Variants in DAPP1 observed in about 807,000 individuals in gnomAD.
DAPP1 encodes the protein dual adapter for phosphotyrosine and 3-phosphotyrosine and 3-phosphoinositide.
DAPP1 carries 20 observed loss-of-function variants against 41.5 expected under a neutral mutation model. That is an observed-to-expected ratio of 0.48 (90% CI 0.34 to 0.70). The LOEUF (loss-of-function observed/expected upper bound fraction) is 0.70. DAPP1 is among the 30% of genes least tolerant of loss of function. The pLI is 0.01. For missense variants in DAPP1, 233 were observed against 333.4 expected, an observed-to-expected ratio of 0.70 and a Z score of 2.35; for synonymous variants, 113 against 116.2, an observed-to-expected ratio of 0.97 and a Z score of 0.18.
rs1457570870 is a variant in DAPP1 at position 99,868,586 on chromosome 4, A to G, written c.*401A>G. On this transcript the variant is annotated 3_prime_UTR_variant, in exon 9 of 9. Transcript: ENST00000512369. ...GACATCCAGGTTGTGCTATTAACCA[A>G]GAAGGAAACAGATACTTGGAGGCTT... 1.3e-5 allele frequency: 2 copies of G among 159,598 alleles called. No individual in the cohort carries two copies. The highest frequency in any genetic ancestry group is 1.4e-5 in the Non-Finnish European group (1 of 72,888). The allele number at this position is 159,598 out of a possible 1,614,324, so 9.9% of individuals were successfully genotyped here.
chr4:99,853,085 C>G (rs896769842), intron 3 of DAPP1, 133 bp from the exon 4 acceptor site: 4 of 982,364 alleles, frequency 4.1e-6, no homozygotes, highest in Non-Finnish European at 5.9e-6. Flanking sequence ...TATTTGATAA[C>G]TGTTGAGATA....
chr4:99,834,180 T>C (rs1307803665), intron 1 of DAPP1, among the ~76,000 whole-genome samples: 1 of 152,180 alleles, frequency 6.6e-6, no homozygotes, highest in Non-Finnish European at 1.5e-5. Context: ...CAGAGCAATA[T>C]GCCTAGAAAA....
At chr4:99,841,249 G>A (rs1723485748) in intron 3 of DAPP1, among the ~76,000 whole-genome samples, 1 of 152,110 alleles carries the variant, frequency 6.6e-6, no homozygotes, top group South Asian at 2.1e-4. Flanking sequence ...CTTGCCAGTG[G>A]GCTTTCTGTT....
chr4:99,817,830 C>A (rs1722641803), intron 1 of DAPP1, among the ~76,000 whole-genome samples: 1 of 152,192 alleles, frequency 6.6e-6, no homozygotes, highest in Non-Finnish European at 1.5e-5. Context: ...AAAACCTTTA[C>A]CTTCTGCCTG....
intron 1 of DAPP1, among the ~76,000 whole-genome samples, chr4:99,827,458 G>A (rs1020406446): frequency 7.9e-5 from 12 of 151,688 alleles, no homozygotes; most frequent in Admixed American, 6.6e-4. Context: ...GCGTGAACCC[G>A]GGAGGCAGAG....
intron 1 of DAPP1, among the ~76,000 whole-genome samples, chr4:99,827,532 C>CAAA (rs1400029314): frequency 8.4e-5 from 10 of 118,992 alleles, no homozygotes; most frequent in South Asian, 2.6e-4. Context: ...GACTACGTCT[C>CAAA]AAAAAAAAAA....
intron 1 of DAPP1, among the ~76,000 whole-genome samples, chr4:99,826,870 C>T (rs747189586): frequency 1.1e-4 from 17 of 152,336 alleles, no homozygotes; most frequent in South Asian, 6.2e-4. Flanking sequence ...GCTCCCCTTC[C>T]TATGCTATAA....
intron 4 of DAPP1, among the ~76,000 whole-genome samples, chr4:99,854,539 G>A (rs1723978490): frequency 6.6e-6 from 1 of 152,138 alleles, no homozygotes; most frequent in African/African-American, 2.4e-5. Flanking sequence ...CATGACCTCT[G>A]CTTTACATCC....
intron 4 of DAPP1, among the ~76,000 whole-genome samples, chr4:99,856,161 A>G (rs1724037649): frequency 6.6e-6 from 1 of 152,138 alleles, no homozygotes; most frequent in African/African-American, 2.4e-5. Flanking sequence ...TTTGGCAGTA[A>G]TTTTGACAAA....
intron 3 of DAPP1, among the ~76,000 whole-genome samples, chr4:99,842,404 T>C (rs1455225245): frequency 6.6e-6 from 1 of 152,292 alleles, no homozygotes; most frequent in Non-Finnish European, 1.5e-5. Context: ...AATTTGCTGC[T>C]GTTTGAATTC....
intron 4 of DAPP1, among the ~76,000 whole-genome samples, chr4:99,857,983 C>T (rs1209233897): frequency 2.0e-5 from 3 of 152,064 alleles, no homozygotes; most frequent in African/African-American, 7.2e-5. Context: ...TTGGTTTTCC[C>T]CAAGTCGTTT....
At chr4:99,838,812 T>G (rs1306561696) in intron 2 of DAPP1, among the ~76,000 whole-genome samples, 1 of 152,172 alleles carries the variant, frequency 6.6e-6, no homozygotes, top group Non-Finnish European at 1.5e-5. Flanking sequence ...AAAGACCACA[T>G]ACAAGTAACA....
intron 3 of DAPP1, among the ~76,000 whole-genome samples, chr4:99,847,307 T>A (rs1291711360): frequency 6.6e-6 from 1 of 152,216 alleles, no homozygotes; most frequent in East Asian, 1.9e-4. Context: ...TGCCTAAGAA[T>A]TGAGACTGTT....
rs1390417190 is a variant in DAPP1 at position 99,840,310 on chromosome 4, C to T, written c.246C>T (p.His82=). 1.0e-5 allele frequency: 16 copies of T among 1,581,278 alleles called. No individual in the cohort carries two copies. The highest frequency in any genetic ancestry group is 1.2e-5 in the Non-Finnish European group (14 of 1,160,850). The change falls in exon 3 of 9, where the codon CAC becomes CAT. Residue 82 remains histidine, a synonymous_variant. Coordinates refer to ENST00000512369, the MANE Select transcript of DAPP1 (RefSeq NM_014395.3). ...TTAGGGCCAAAGATTCTGTTAAACA[C>T]TTTCATGTTGAATATACTGGATATT... is the stretch of plus-strand genomic sequence containing the variant. The part of the protein sequence containing the change: ...LSVRAKDSVK[H]FHVEYTGYSF...
intron 8 of DAPP1, among the ~76,000 whole-genome samples, 182 bp downstream of exon 8, chr4:99,866,303 G>A (rs1724455811): frequency 6.6e-6 from 1 of 151,984 alleles, no homozygotes; most frequent in Non-Finnish European, 1.5e-5. Flanking sequence ...ATGGAGACAG[G>A]ATTGTAAAAA....
chr4:99,836,771 A>C lies in DAPP1; in HGVS notation c.224+1026A>C, dbSNP rs1723316719. 2.0e-5 allele frequency among the ~76,000 whole-genome samples: 3 copies of C among 152,146 alleles called. No individual in the cohort carries two copies. In the South Asian group the frequency reaches 6.2e-4, roughly 32 times the overall value. On this transcript the variant is annotated intron_variant, in intron 2 of 8. Coordinates refer to ENST00000512369, the MANE Select transcript of DAPP1 (RefSeq NM_014395.3). Reference sequence around the variant, plus strand: ...CTATGCTACATAACAAATTATCAAAAACTTAGGGACTTAAAGCAACGCAAC... The same window carrying C: ...CTATGCTACATAACAAATTATCAAACACTTAGGGACTTAAAGCAACGCAAC...
chr4:99,856,481 A>G (rs1453091384), intron 4 of DAPP1, among the ~76,000 whole-genome samples: 1 of 152,200 alleles, frequency 6.6e-6, no homozygotes, highest in African/African-American at 2.4e-5. Context: ...GAAGTGAGCT[A>G]GAGGAAAAGT....
At chr4:99,826,599 A>G (rs1722945688) in intron 1 of DAPP1, among the ~76,000 whole-genome samples, 1 of 152,210 alleles carries the variant, frequency 6.6e-6, no homozygotes, top group Admixed American at 6.5e-5. Context: ...CATGTGTTTT[A>G]AAGTGCAAGA....
intron 4 of DAPP1, among the ~76,000 whole-genome samples, chr4:99,854,699 A>G (rs1723984685): frequency 6.6e-6 from 1 of 152,104 alleles, no homozygotes; most frequent in African/African-American, 2.4e-5. Context: ...TGCTGCCAAC[A>G]CCATTGCTAT....
Sources: allele counts gnomAD v4.1 joint callset (sites outside exome capture counted in the v4.1 genomes callset), GRCh38; gene constraint gnomAD v4.1.1; transcripts MANE v1.5; gene names NCBI Gene and HGNC (gene_info 2026-07-23, HGNC 2026-07-21).